The following CFAP20DC variants were observed in gnomAD, a reference collection of about 807,000 sequenced individuals.
CFAP20DC encodes protein CFAP20DC.
In CFAP20DC, 84 loss-of-function variants were observed where a neutral mutation model predicts 101.7. The observed-to-expected ratio is 0.83, with a 90% confidence interval of 0.69 to 0.99. The LOEUF (loss-of-function observed/expected upper bound fraction) is 0.99, where lower values mean the gene tolerates loss of function less well. Ranked by LOEUF, CFAP20DC falls within the 50% of genes least tolerant of loss-of-function variation. The pLI is 0.00. For missense variants in CFAP20DC, 1,007 were observed against 970.3 expected (o/e 1.04, Z -0.50); for synonymous variants, 359 against 351.2 (o/e 1.02, Z -0.25).
chr3:58,872,181 C>T (rs2080283514), intron 7 of CFAP20DC, among the ~76,000 whole-genome samples: 2 of 152,178 alleles, frequency 1.3e-5, no homozygotes, highest in South Asian at 2.1e-4. Flanking sequence ...ACAGGACCAA[C>T]TTAAACATTA....
At chr3:58,921,932 CCTT>C (rs1185464970) in intron 5 of CFAP20DC, among the ~76,000 whole-genome samples, 6 of 152,298 alleles carry the variant, frequency 3.9e-5, no homozygotes, top group East Asian at 3.9e-4. Flanking sequence ...CATTTAACCT[CCTT>C]ATCATTGTGA....
intron 4 of CFAP20DC, among the ~76,000 whole-genome samples, chr3:58,974,010 C>A (rs2092116270): frequency 6.6e-6 from 1 of 152,054 alleles, no homozygotes; most frequent in African/African-American, 2.4e-5. Flanking sequence ...CTGGGTGATT[C>A]ATATGGTATG....
At chr3:58,880,700 G>T (rs1385789661) in intron 7 of CFAP20DC, among the ~76,000 whole-genome samples, 3 of 152,084 alleles carry the variant, frequency 2.0e-5, no homozygotes, top group Non-Finnish European at 2.9e-5. Flanking sequence ...TGTTGTAACA[G>T]ATTCCACAGA....
intron 4 of CFAP20DC, among the ~76,000 whole-genome samples, chr3:59,017,033 A>T (rs1261934191): frequency 1.3e-5 from 2 of 152,100 alleles, no homozygotes; most frequent in Non-Finnish European, 2.9e-5. Flanking sequence ...TGTGGCATCC[A>T]CAAATGTCTC....
chr3:59,032,840 G>C (rs928616203), intron 4 of CFAP20DC, among the ~76,000 whole-genome samples: 1 of 152,128 alleles, frequency 6.6e-6, no homozygotes, highest in Non-Finnish European at 1.5e-5. Context: ...CACAGCACTC[G>C]AGCTCTGCTA....
At chr3:58,911,351 T>C (rs1559808921) in intron 6 of CFAP20DC, among the ~76,000 whole-genome samples, 1 of 152,196 alleles carries the variant, frequency 6.6e-6, no homozygotes, top group Non-Finnish European at 1.5e-5. Context: ...AATGCATACA[T>C]GAAATATGTA....
In CFAP20DC at chr3:58,931,152, C is replaced by T. The variant is rs181661526; in HGVS notation, c.393+6496G>A. Among the ~76,000 whole-genome samples, 607 of 152,186 alleles carry T rather than the reference C, an allele frequency of 4.0e-3. 3 individuals are homozygous for T. The highest frequency in any genetic ancestry group is 6.3e-3 in the Non-Finnish European group (426 of 68,022). On this transcript the variant is annotated intron_variant, in intron 5 of 16. Coordinates refer to ENST00000482387, the MANE Select transcript of CFAP20DC (RefSeq NM_001394063.1). ...CCTGGCTCGGAGGGTCCTACGCCCACGGAGTCTCACTGAATGCTAGCACAG... is the reference window on the plus strand; with the variant it reads ...CCTGGCTCGGAGGGTCCTACGCCCATGGAGTCTCACTGAATGCTAGCACAG...
intron 4 of CFAP20DC, among the ~76,000 whole-genome samples, chr3:58,984,912 TG>T (rs2092701720): frequency 6.6e-6 from 1 of 152,048 alleles, no homozygotes; most frequent in African/African-American, 2.4e-5. Context: ...TTACTTTTTT[TG>T]GGGGGCTGAG....
At chr3:58,848,111 T>C (rs565355408) in intron 13 of CFAP20DC, among the ~76,000 whole-genome samples, 1 of 146,494 alleles carries the variant, frequency 6.8e-6, no homozygotes, top group East Asian at 2.0e-4. Context: ...GGCACATGTA[T>C]ACATATGTAA....
chr3:58,844,883 G>C (rs1269980775), intron 13 of CFAP20DC, among the ~76,000 whole-genome samples: 1 of 142,288 alleles, frequency 7.0e-6, no homozygotes, highest in Non-Finnish European at 1.5e-5. Context: ...CAACTACGTG[G>C]AAACTGAACA....
In CFAP20DC at chr3:58,870,702, C is replaced by G. The variant is rs1386829981; in HGVS notation, c.716-393G>C. ...AGGAGATCGAGACCATCCTGGCTAA[C>G]AAGGTGAAACCCCGTCTCTACTAAA... On this transcript the variant is annotated intron_variant, in intron 7 of 16. Transcript: ENST00000482387. Among the ~76,000 whole-genome samples, 3 of 149,114 alleles carry G rather than the reference C, an allele frequency of 2.0e-5. No homozygotes were observed. In the South Asian group the frequency reaches 6.4e-4, roughly 32 times the overall value.
intron 15 of CFAP20DC, among the ~76,000 whole-genome samples, chr3:58,793,178 G>A (rs1196801709): frequency 6.6e-6 from 1 of 152,058 alleles, no homozygotes; most frequent in Non-Finnish European, 1.5e-5. Context: ...GCACAAACCT[G>A]CACTTATCAT....
At chr3:58,891,227 G>T (rs1026250037) in intron 6 of CFAP20DC, among the ~76,000 whole-genome samples, 7 of 151,628 alleles carry the variant, frequency 4.6e-5, no homozygotes, top group Admixed American at 2.0e-4. Context: ...GCTGGAGACC[G>T]GCCCGGCCAA....
intron 15 of CFAP20DC, among the ~76,000 whole-genome samples, chr3:58,765,490 C>CAAAA (rs1337049385): frequency 9.8e-5 from 8 of 81,798 alleles, no homozygotes; most frequent in East Asian, 4.1e-4. Flanking sequence ...AAAAAAAAAC[C>CAAAA]AAAAAAAAAA....
In CFAP20DC at chr3:58,806,377, AT is replaced by A; in HGVS notation, c.2237+17del. The A allele has an allele frequency of 6.6e-7, 1 of 1,505,464 alleles. No homozygotes were observed. Among genetic ancestry groups the A allele is most frequent in the South Asian group, 1.1e-5 (1 of 88,390 alleles). 93.3% of individuals were successfully genotyped at this position (1,505,464 alleles called of 1,614,324 possible). ...AAGTTTTTTTTTTTCTTAAATGTAGATTATTAATGATTCTTACCGGGGATTA... is the reference window on the plus strand; with the variant it reads ...AAGTTTTTTTTTTTCTTAAATGTAGATATTAATGATTCTTACCGGGGATTA... On this transcript the variant is annotated intron_variant, in intron 15 of 16. Transcript: ENST00000482387.
intron 14 of CFAP20DC, among the ~76,000 whole-genome samples, chr3:58,807,810 C>T (rs1317840926): frequency 6.6e-6 from 1 of 152,094 alleles, no homozygotes; most frequent in East Asian, 1.9e-4. Context: ...AAGTTAAAAA[C>T]TTTGAAAAAA....
intron 5 of CFAP20DC, among the ~76,000 whole-genome samples, chr3:58,920,123 C>CAGGCTGG (rs1195918359): frequency 1.5e-5 from 2 of 131,000 alleles, no homozygotes; most frequent in Non-Finnish European, 3.1e-5. Flanking sequence ...CTCTGTAGCC[C>CAGGCTGG]AGGCTGGAGT....
intron 14 of CFAP20DC, among the ~76,000 whole-genome samples, chr3:58,816,698 A>C (rs2075188479): frequency 6.6e-6 from 1 of 152,166 alleles, no homozygotes; most frequent in African/African-American, 2.4e-5. Flanking sequence ...TGCAAGGTGG[A>C]AGCGAGGCTG....
At position 58,805,860 on chromosome 3, in the gene CFAP20DC, T is replaced by C. The variant is rs141752599; in HGVS notation, c.2237+535A>G. Among the ~76,000 whole-genome samples the C allele has an allele frequency of 5.1e-4, 78 of 152,264 alleles. No individual in the cohort carries two copies. The East Asian group carries it at 0.013, about 25-fold the overall frequency. On this transcript the variant is annotated intron_variant, in intron 15 of 16. Coordinates refer to ENST00000482387, the MANE Select transcript of CFAP20DC (RefSeq NM_001394063.1). ...AAATGACTCATACACCAATGACATT[T>C]TTGAAATAAAATAATTTTGAGATTA...
Sources: gnomAD v4.1 joint callset for allele counts (sites outside exome capture counted in the v4.1 genomes callset) on GRCh38, gnomAD v4.1.1 for gene constraint, MANE v1.5 for transcripts, NCBI Gene and HGNC (gene_info 2026-07-23, HGNC 2026-07-21) for gene names.